The following TYW1B variants were observed in gnomAD, a reference collection of about 807,000 sequenced individuals.
The protein encoded by TYW1B is S-adenosyl-L-methionine-dependent tRNA 4-demethylwyosine synthase TYW1B.
A neutral mutation model predicts 86.9 loss-of-function variants in TYW1B; 73 were observed. That is an observed-to-expected ratio of 0.84 (90% CI 0.70 to 1.02). The LOEUF (loss-of-function observed/expected upper bound fraction) is 1.02, where lower values mean the gene tolerates loss of function less well. TYW1B is among the 50% of genes least tolerant of loss of function. TYW1B has a pLI of 0.00. For synonymous variants in TYW1B, 248 were observed against 292.8 expected, an observed-to-expected ratio of 0.85 and a Z score of 1.56; for missense variants, 637 against 827.4, an observed-to-expected ratio of 0.77 and a Z score of 2.82.
chr7:72,687,848 G>C lies in TYW1B; in HGVS notation c.1506+6839C>G, dbSNP rs193239714. On this transcript the variant is annotated intron_variant, in intron 11 of 13. Transcript: ENST00000620995. ...AGGTAGGAGGATCACTTGAAACCAG[G>C]AATTCAAGACCAGCCTGGGCAACAA... Among the ~76,000 whole-genome samples, 227 of 151,910 alleles carry C rather than the reference G, an allele frequency of 1.5e-3. 2 individuals are homozygous for C. The highest frequency in any genetic ancestry group is 2.9e-3 in the Non-Finnish European group (196 of 67,952).
At chr7:72,593,589 A>G (rs1197635600) in intron 13 of TYW1B, among the ~76,000 whole-genome samples, 1 of 152,166 alleles carries the variant, frequency 6.6e-6, no homozygotes, top group Non-Finnish European at 1.5e-5. Flanking sequence ...TTGGGAAGCC[A>G]AGGCGGGCGG....
intron 13 of TYW1B, among the ~76,000 whole-genome samples, chr7:72,598,190 G>GA (rs1193941259): frequency 1.3e-5 from 2 of 152,136 alleles, no homozygotes; most frequent in Admixed American, 1.3e-4. Context: ...AAAGCAGGCA[G>GA]AAAAACATGA....
chr7:72,612,043 TTCTC>T lies in TYW1B; in HGVS notation c.1785+4625_1785+4628del, dbSNP rs782718046. The stretch of plus-strand genomic sequence containing the variant: ...CTCCCTCTCTTCTCTTCTTCTCTTT[TTCTC>T]TCTCTCTCTTTCTTTCTCGATGGGT... On this transcript the variant is annotated intron_variant, in intron 13 of 13. Coordinates refer to ENST00000620995, the MANE Select transcript of TYW1B (RefSeq NM_001145440.3). Among the ~76,000 whole-genome samples, 7 of 151,886 alleles carry T rather than the reference TTCTC, an allele frequency of 4.6e-5. No homozygotes were observed. In the East Asian group the frequency reaches 5.8e-4, roughly 13 times the overall value.
At chr7:72,580,503 G>A (rs531220251) in intron 13 of TYW1B, among the ~76,000 whole-genome samples, 63 of 152,234 alleles carry the variant, frequency 4.1e-4, no homozygotes, top group Middle Eastern at 6.8e-3. Context: ...ACACACAAGC[G>A]CAATAAGATA....
intron 8 of TYW1B, among the ~76,000 whole-genome samples, chr7:72,743,974 A>G (rs1214419242): frequency 3.9e-5 from 6 of 152,104 alleles, no homozygotes; most frequent in Non-Finnish European, 8.8e-5. Flanking sequence ...CAATTGCTGT[A>G]AAGACTCAAT....
chr7:72,577,109 G>T (rs1361338269), intron 13 of TYW1B, among the ~76,000 whole-genome samples: 1 of 151,478 alleles, frequency 6.6e-6, no homozygotes, highest in Non-Finnish European at 1.5e-5. Flanking sequence ...CCTCAGTGAT[G>T]AGAGTGAAAC....
At chr7:72,583,824 C>T (rs1202745713) in intron 13 of TYW1B, among the ~76,000 whole-genome samples, 1 of 152,114 alleles carries the variant, frequency 6.6e-6, no homozygotes, top group Non-Finnish European at 1.5e-5. Flanking sequence ...AGTCACATTC[C>T]TATCTTTAGA....
intron 13 of TYW1B, 101 bp from the exon 14 acceptor site, chr7:72,575,820 A>C (rs546518518): frequency 3.8e-5 from 58 of 1,520,574 alleles, no homozygotes; most frequent in Non-Finnish European, 5.0e-5. Context: ...TTTTCTCCCT[A>C]TCACGCCAAG....
rs1585943884 is a variant in TYW1B, at chr7:72,738,914, A to AT, written c.1082+5569_1082+5570insA. On this transcript the variant is annotated intron_variant, in intron 8 of 13. Coordinates refer to ENST00000620995, the MANE Select transcript of TYW1B (RefSeq NM_001145440.3). ...AGCGAGACCCTGTCTCTATCAAAAA[A>AT]AAAAAAAAATAATAATAATAAACTG... Among the ~76,000 whole-genome samples the AT allele has an allele frequency of 3.0e-3, 453 of 149,878 alleles. 3 individuals carry two copies. The highest frequency in any genetic ancestry group is 7.9e-3 in the South Asian group (37 of 4,706).
intron 10 of TYW1B, among the ~76,000 whole-genome samples, chr7:72,699,772 C>T (rs1201600311): frequency 6.6e-6 from 1 of 152,034 alleles, no homozygotes; most frequent in African/African-American, 2.4e-5. Context: ...ACCTCAGCCT[C>T]CCAAGTAGCT....
chr7:72,693,409 C>CTTT (rs35021264), intron 11 of TYW1B, among the ~76,000 whole-genome samples: 7 of 129,394 alleles, frequency 5.4e-5, no homozygotes, highest in South Asian at 2.5e-4. Context: ...TTGCAGACAT[C>CTTT]TTTTTTTTTT....
intron 11 of TYW1B, among the ~76,000 whole-genome samples, chr7:72,634,592 T>C (rs1443315776): frequency 1.3e-5 from 2 of 150,904 alleles, no homozygotes; most frequent in African/African-American, 2.5e-5. Context: ...TTAGCAGATA[T>C]TGGCAATCTG....
At position 72,748,700 on chromosome 7, in the gene TYW1B, T is replaced by A. The variant is rs1401877576; in HGVS notation, c.965-4099A>T. On this transcript the variant is annotated intron_variant, in intron 7 of 13. Coordinates refer to ENST00000620995, the MANE Select transcript of TYW1B (RefSeq NM_001145440.3). The stretch of plus-strand genomic sequence containing the variant: ...GAATCAATTGATATGACTGACTGAT[T>A]TTTTTCTTCTTAGCATGTTTGATAT... Among the ~76,000 whole-genome samples the A allele has an allele frequency of 1.7e-3, 250 of 149,520 alleles. 1 individual carries two copies. The highest frequency in any genetic ancestry group is 4.3e-3 in the African/African-American group (175 of 41,022).
intron 11 of TYW1B, among the ~76,000 whole-genome samples, chr7:72,649,002 G>A (rs1554442421): frequency 1.3e-5 from 2 of 152,148 alleles, no homozygotes; most frequent in African/African-American, 4.8e-5. Context: ...AATCAAATGA[G>A]TAGTATGGAG....
chr7:72,701,983 A>G (rs1394934263), intron 10 of TYW1B, among the ~76,000 whole-genome samples: 9 of 152,190 alleles, frequency 5.9e-5, no homozygotes, highest in Admixed American at 4.6e-4. Context: ...CTTCTCTGGC[A>G]TGCCCACAGC....
intron 8 of TYW1B, among the ~76,000 whole-genome samples, chr7:72,733,081 T>C (rs1787139926): frequency 6.6e-6 from 1 of 151,444 alleles, no homozygotes; most frequent in Admixed American, 6.6e-5. Context: ...ATTAACAAGA[T>C]TAAATCAATT....
chr7:72,657,752 T>C (rs1267901555), intron 11 of TYW1B, among the ~76,000 whole-genome samples: 4 of 152,108 alleles, frequency 2.6e-5, no homozygotes, highest in African/African-American at 9.7e-5. Context: ...CCTTCAGAAA[T>C]GAAGGAGAAA....
At chr7:72,826,207 A>G (rs1469857518) in intron 2 of TYW1B, among the ~76,000 whole-genome samples, 1 of 152,226 alleles carries the variant, frequency 6.6e-6, no homozygotes, top group African/African-American at 2.4e-5. Flanking sequence ...CTGCTTTTGG[A>G]ACAGATTTTT....
At chr7:72,751,643 G>C (rs537554369) in intron 7 of TYW1B, among the ~76,000 whole-genome samples, 1 of 152,280 alleles carries the variant, frequency 6.6e-6, no homozygotes, top group South Asian at 2.1e-4. Flanking sequence ...TGGTGTTGCT[G>C]TCAGTTGATT....
Sources: gnomAD v4.1 joint callset for allele counts (sites outside exome capture counted in the v4.1 genomes callset) on GRCh38, gnomAD v4.1.1 for gene constraint, MANE v1.5 for transcripts, NCBI Gene and HGNC (gene_info 2026-07-23, HGNC 2026-07-21) for gene names.